MBP: variants seen among roughly 807,000 people sequenced by gnomAD.
MBP encodes the protein Golli-MBP.
In MBP, 16 loss-of-function variants were observed where a neutral mutation model predicts 35.8. The ratio of observed to expected loss-of-function variants is 0.45; its 90% CI spans 0.30 to 0.68. The LOEUF (loss-of-function observed/expected upper bound fraction) is 0.68. Among genes scored for constraint, MBP ranks in the 30% least tolerant of loss-of-function variants. The pLI is 0.08. For synonymous variants in MBP, 143 were observed against 159.6 expected, an observed-to-expected ratio of 0.90 and a Z score of 0.78; for missense variants, 380 against 404.7, an observed-to-expected ratio of 0.94 and a Z score of 0.52.
chr18:77,077,257 G>A (rs1974696087), intron 2 of MBP, among the ~76,000 whole-genome samples: 1 of 151,158 alleles, frequency 6.6e-6, no homozygotes, highest in Non-Finnish European at 1.5e-5. Context: ...GGCTACTCGG[G>A]AGGCTGAGGC....
chr18:76,989,840 G>T lies in MBP; in HGVS notation c.681+116C>A. The T allele has an allele frequency of 1.2e-6, 1 of 862,492 alleles. No homozygotes were observed. Among genetic ancestry groups the T allele is most frequent in the Non-Finnish European group, 1.9e-6 (1 of 531,006 alleles). The allele number at this position is 862,492 out of a possible 1,614,324, so 53.4% of individuals were successfully genotyped here. A position where few individuals can be genotyped will look rare whatever the true frequency, so the allele number is the denominator to read the frequency against. On this transcript the variant is annotated intron_variant, in intron 5 of 8. Coordinates refer to ENST00000355994, the MANE Select transcript of MBP (RefSeq NM_001025101.2). The surrounding 1 kb of genome is among the most constrained non-coding windows in gnomAD (Gnocchi z 4.0). ...GGAGTTCCCCGGCCGGCCTCACCCTGATGATGACCCCGGTGCCACCCCCGA... is the reference window on the plus strand; with the variant it reads ...GGAGTTCCCCGGCCGGCCTCACCCTTATGATGACCCCGGTGCCACCCCCGA...
chr18:77,027,344 T>A (rs1248151986), intron 3 of MBP, among the ~76,000 whole-genome samples: 2 of 152,242 alleles, frequency 1.3e-5, no homozygotes, highest in Non-Finnish European at 2.9e-5. Flanking sequence ...TGCTTTTTGA[T>A]CTGCTGCAAA....
chr18:77,126,550 A>G (rs578119520), intron 1 of MBP, among the ~76,000 whole-genome samples: 1 of 152,330 alleles, frequency 6.6e-6, no homozygotes, highest in East Asian at 1.9e-4. Flanking sequence ...GTAAGATAAG[A>G]AAAAGAAATA....
chr18:77,101,595 C>T lies in MBP; in HGVS notation c.51+3616G>A, dbSNP rs955320739. 1.3e-5 allele frequency among the ~76,000 whole-genome samples: 2 copies of T among 152,172 alleles called. No individual in the cohort carries two copies. The highest frequency in any genetic ancestry group is 1.3e-4 in the Admixed American group (2 of 15,272). ...AACTGGCCCAGGAAGGTGGCTCAACCACTTGTTACCAGGGACCTGCACCCC... is the reference window on the plus strand; with the variant it reads ...AACTGGCCCAGGAAGGTGGCTCAACTACTTGTTACCAGGGACCTGCACCCC... On this transcript the variant is annotated intron_variant, in intron 2 of 8. Transcript: ENST00000355994. This position sits in a 1 kb window ranked among gnomAD's most constrained non-coding sequence, Gnocchi z 4.3.
rs1476565648 is a variant in MBP at position 77,017,173 on chromosome 18, C to A, written c.235G>T (p.Asp79Tyr). The A allele has an allele frequency of 1.9e-6, 3 of 1,545,334 alleles. No homozygotes were observed. Among genetic ancestry groups the A allele is most frequent in the Non-Finnish European group, 1.7e-6 (2 of 1,144,956 alleles). The change falls in exon 4 of 9, where the codon GAT (aspartate) becomes TAT (tyrosine). Residue 79 changes from aspartate (D) to tyrosine (Y), a missense_variant. Asp to Tyr is a radical substitution (Grantham distance 160, BLOSUM62 -3). Transcript: ENST00000355994. ...CTCCCTGGGTCAGCTGGGTGGGCAT[C>A]CTGCCAGGCATTCTTCGGGTCCGCT... ...RTADPKNAWQ[D>Y]AHPADPGSRP... is the part of the protein sequence containing the mutation.
chr18:77,050,641 G>A (rs887110202), intron 3 of MBP, among the ~76,000 whole-genome samples: 34 of 152,156 alleles, frequency 2.2e-4, no homozygotes, highest in Admixed American at 1.9e-3. Context: ...GTGTCTCCCA[G>A]ATTCAAGTGA....
At chr18:77,032,556 C>T (rs1249456801) in intron 3 of MBP, among the ~76,000 whole-genome samples, 1 of 152,238 alleles carries the variant, frequency 6.6e-6, no homozygotes, top group African/African-American at 2.4e-5. Context: ...CGGCGAGGCG[C>T]GGCCATGCGC....
chr18:77,059,867 C>T (rs574579354), intron 3 of MBP, among the ~76,000 whole-genome samples: 2 of 152,302 alleles, frequency 1.3e-5, no homozygotes, highest in East Asian at 3.8e-4. Context: ...TGAAATAAGG[C>T]AGTGGGATAA....
intron 3 of MBP, among the ~76,000 whole-genome samples, chr18:77,052,861 T>C (rs1307516577): frequency 6.6e-6 from 1 of 151,912 alleles, no homozygotes; most frequent in Non-Finnish European, 1.5e-5. Context: ...TCACGCCATG[T>C]ATACCCCCCG....
intron 3 of MBP, among the ~76,000 whole-genome samples, chr18:77,019,222 T>C (rs549316419): frequency 7.7e-4 from 118 of 152,364 alleles, no homozygotes; most frequent in African/African-American, 2.1e-3. Context: ...ATGGATTGAA[T>C]AGTATCCCTC....
intron 3 of MBP, among the ~76,000 whole-genome samples, chr18:77,047,358 T>C (rs1034405678): frequency 1.3e-5 from 2 of 152,188 alleles, no homozygotes; most frequent in Non-Finnish European, 1.5e-5. Flanking sequence ...CTCACCAGCA[T>C]TGTGTGAAGT....
intron 3 of MBP, among the ~76,000 whole-genome samples, chr18:77,026,900 C>T (rs1972245337): frequency 6.6e-6 from 1 of 152,056 alleles, no homozygotes; most frequent in Non-Finnish European, 1.5e-5. Flanking sequence ...GTCAAAATAT[C>T]TGGTGGACAT....
At chr18:77,130,191 G>C (rs1048834325) in intron 1 of MBP, among the ~76,000 whole-genome samples, 1 of 152,186 alleles carries the variant, frequency 6.6e-6, no homozygotes, top group African/African-American at 2.4e-5. Flanking sequence ...AAGGAAACCT[G>C]TGTGGGACAT....
At position 77,018,593 on chromosome 18, in the gene MBP, CA is replaced by C. The variant is rs1259297555; in HGVS notation, c.140-1326del. Among the ~76,000 whole-genome samples the C allele has an allele frequency of 1.2e-3, 169 of 138,012 alleles. 2 individuals carry two copies. The highest frequency in any genetic ancestry group is 4.6e-3 in the African/African-American group (160 of 34,604). The allele number at this position is 138,012 out of a possible 152,430, so 90.5% of individuals were successfully genotyped here. On this transcript the variant is annotated intron_variant, in intron 3 of 8. Transcript: ENST00000355994. ...TCATCCATCCATTCATCCATCCACC[CA>C]CCCCTCCATCTATCCACTCATCCAT...
rs561180017 is a variant in MBP, at chr18:76,989,592, G to C, written c.681+364C>G. ...AGAGCGGTTTCGCTGCCCGAAAAATGCCCTAAAAATGCCCTGTGCTCTCTC... is the reference window on the plus strand; with the variant it reads ...AGAGCGGTTTCGCTGCCCGAAAAATCCCCTAAAAATGCCCTGTGCTCTCTC... On this transcript the variant is annotated intron_variant, in intron 5 of 8. Transcript: ENST00000355994. The surrounding 1 kb of genome is among the most constrained non-coding windows in gnomAD (Gnocchi z 4.0). 2.8e-4 allele frequency: 77 copies of C among 273,984 alleles called. No individual in the cohort carries two copies. In the South Asian group the frequency reaches 2.9e-3, roughly 10 times the overall value. 17.0% of individuals were successfully genotyped at this position (273,984 alleles called of 1,614,324 possible). A position where few individuals can be genotyped will look rare whatever the true frequency, so the allele number is the denominator to read the frequency against.
chr18:77,013,955 G>A (rs536916673), intron 4 of MBP: 8 of 985,422 alleles, frequency 8.1e-6, no homozygotes, highest in South Asian at 4.7e-5. Context: ...GAGTGATGCT[G>A]GAGAGGTCAC....
At chr18:77,060,968 C>A (rs1973955159) in intron 3 of MBP, among the ~76,000 whole-genome samples, 1 of 152,206 alleles carries the variant, frequency 6.6e-6, no homozygotes, top group African/African-American at 2.4e-5. Flanking sequence ...GCACGCAGTG[C>A]CTCAGCAACC....
intron 3 of MBP, among the ~76,000 whole-genome samples, chr18:77,049,208 C>T (rs981491468): frequency 9.5e-5 from 14 of 148,060 alleles, no homozygotes; most frequent in Admixed American, 2.7e-4. Flanking sequence ...TGTGAGCCAC[C>T]GCACCCGGCC....
chr18:77,020,576 A>G lies in MBP; in HGVS notation c.140-3308T>C, dbSNP rs1325605478. 6.6e-6 allele frequency among the ~76,000 whole-genome samples: 1 copy of G among 152,194 alleles called. No homozygotes were observed. The highest frequency in any genetic ancestry group is 1.5e-5 in the Non-Finnish European group (1 of 68,024). ...CATGGGAGGCTGAATTTCCCAGCACATGCTGTGACCCCATGTGTGACATGC... is the reference window on the plus strand; with the variant it reads ...CATGGGAGGCTGAATTTCCCAGCACGTGCTGTGACCCCATGTGTGACATGC... On this transcript the variant is annotated intron_variant, in intron 3 of 8. Coordinates refer to ENST00000355994, the MANE Select transcript of MBP (RefSeq NM_001025101.2). This position sits in a 1 kb window ranked among gnomAD's most constrained non-coding sequence, Gnocchi z 4.1.
Sources: gnomAD v4.1 joint callset for allele counts (sites outside exome capture counted in the v4.1 genomes callset) on GRCh38, gnomAD v4.1.1 for gene constraint, Gnocchi (gnomAD v3.1) non-coding constraint, MANE v1.5 for transcripts, NCBI Gene and HGNC (gene_info 2026-07-23, HGNC 2026-07-21) for gene names.